The following AUH variants were observed in gnomAD, a reference collection of about 807,000 sequenced individuals.
AUH encodes the protein methylglutaconyl-CoA hydratase, mitochondrial.
In AUH, 29 loss-of-function variants were observed where a neutral mutation model predicts 42.3. The observed-to-expected ratio is 0.69, with a 90% CI of 0.51 to 0.93. The LOEUF is 0.93. AUH is among the 40% of genes least tolerant of loss of function. The pLI is 0.00. For synonymous variants in AUH, 174 were observed against 166.4 expected, an observed-to-expected ratio of 1.05 and a Z score of -0.35; for missense variants, 452 against 438.1, an observed-to-expected ratio of 1.03 and a Z score of -0.28.
chr9:91,283,573 A>T lies in AUH; in HGVS notation c.655+12448T>A, dbSNP rs1199073166. 3.3e-5 allele frequency among the ~76,000 whole-genome samples: 5 copies of T among 152,358 alleles called. No homozygotes were observed. The South Asian group carries it at 1.0e-3, about 32-fold the overall frequency. On this transcript the variant is annotated intron_variant, in intron 6 of 9. Coordinates refer to ENST00000375731, the MANE Select transcript of AUH (RefSeq NM_001698.3). Reference sequence around the variant, plus strand: ...CATATTTAGAAAACCCCATTGTCTCAGCCCAAAATCTCCTTAAGCTGATAA... The same window carrying T: ...CATATTTAGAAAACCCCATTGTCTCTGCCCAAAATCTCCTTAAGCTGATAA...
intron 3 of AUH, among the ~76,000 whole-genome samples, chr9:91,355,481 G>A (rs753417672): frequency 1.1e-4 from 16 of 151,970 alleles, no homozygotes; most frequent in African/African-American, 2.2e-4. Context: ...CACTTGAACT[G>A]GGGAGACGAG....
chr9:91,296,778 A>G (rs527629978), intron 5 of AUH, among the ~76,000 whole-genome samples: 2 of 152,346 alleles, frequency 1.3e-5, no homozygotes, highest in East Asian at 3.9e-4. Flanking sequence ...TGAAGTGAAA[A>G]GGAGGAAAAA....
At position 91,232,584 on chromosome 9, in the gene AUH, C is replaced by T. The variant is rs977154559; in HGVS notation, c.656-11592G>A. ...AAGGTACTATGTGAAGTTTCGTGTACCTACATGACGCTATGTCCAGATCAG... is the reference window on the plus strand; with the variant it reads ...AAGGTACTATGTGAAGTTTCGTGTATCTACATGACGCTATGTCCAGATCAG... On this transcript the variant is annotated intron_variant, in intron 6 of 9. Coordinates refer to ENST00000375731, the MANE Select transcript of AUH (RefSeq NM_001698.3). 7.9e-5 allele frequency among the ~76,000 whole-genome samples: 12 copies of T among 152,300 alleles called. No homozygotes were observed. The South Asian group carries it at 1.4e-3, about 18-fold the overall frequency.
At chr9:91,232,672 A>G (rs1587653935) in intron 6 of AUH, among the ~76,000 whole-genome samples, 2 of 152,234 alleles carry the variant, frequency 1.3e-5, no homozygotes, top group East Asian at 3.9e-4. Context: ...CGCCTTGGCC[A>G]CTGCCCTTCC....
At chr9:91,293,417 A>C (rs1213297989) in intron 6 of AUH, among the ~76,000 whole-genome samples, 4 of 152,276 alleles carry the variant, frequency 2.6e-5, no homozygotes, top group Non-Finnish European at 5.9e-5. Context: ...GAATAAGAAG[A>C]AAGCAGAATA....
intron 4 of AUH, among the ~76,000 whole-genome samples, chr9:91,321,332 A>AT (rs1054769885): frequency 4.0e-5 from 6 of 151,726 alleles, no homozygotes; most frequent in Non-Finnish European, 5.9e-5. Flanking sequence ...AGTTTATGCT[A>AT]TTTTTTCTCT....
intron 8 of AUH, among the ~76,000 whole-genome samples, chr9:91,216,645 G>A (rs1028388404): frequency 3.9e-5 from 6 of 152,182 alleles, no homozygotes; most frequent in Middle Eastern, 3.4e-3. Context: ...AGGAAGATGC[G>A]GAGGTTCCTT....
intron 6 of AUH, among the ~76,000 whole-genome samples, chr9:91,289,873 T>A (rs1358144688): frequency 6.6e-6 from 1 of 152,196 alleles, no homozygotes; most frequent in African/African-American, 2.4e-5. Flanking sequence ...ATAAAATCTC[T>A]GCTGTTTCAA....
At chr9:91,221,034 T>C in intron 6 of AUH, 42 bp from the exon 7 acceptor site, 1 of 1,601,828 alleles carries the variant, frequency 6.2e-7, no homozygotes, top group Admixed American at 1.7e-5. Context: ...ATTTGACACC[T>C]GTTAGTTTTA....
intron 6 of AUH, among the ~76,000 whole-genome samples, chr9:91,279,267 A>C (rs922747016): frequency 2.6e-5 from 4 of 152,200 alleles, no homozygotes; most frequent in African/African-American, 7.2e-5. Context: ...TTCTCACAAC[A>C]ACCTATGATA....
At chr9:91,255,455 T>C (rs773986585) in intron 6 of AUH, among the ~76,000 whole-genome samples, 1 of 152,228 alleles carries the variant, frequency 6.6e-6, no homozygotes, top group African/African-American at 2.4e-5. Flanking sequence ...AAGTGTGTAA[T>C]GTGAGTGATG....
intron 3 of AUH, among the ~76,000 whole-genome samples, chr9:91,344,059 T>C (rs1223577549): frequency 6.6e-6 from 1 of 152,124 alleles, no homozygotes; most frequent in Non-Finnish European, 1.5e-5. Context: ...TCTCCTCCCG[T>C]TGGAATTCAG....
intron 3 of AUH, among the ~76,000 whole-genome samples, chr9:91,351,220 C>G (rs868562293): frequency 6.6e-6 from 1 of 152,160 alleles, no homozygotes; most frequent in Non-Finnish European, 1.5e-5. Context: ...AACTGCCTAC[C>G]TCGGCCTCCC....
At chr9:91,319,887 G>A (rs576174397) in intron 4 of AUH, among the ~76,000 whole-genome samples, 5 of 152,184 alleles carry the variant, frequency 3.3e-5, no homozygotes, top group Non-Finnish European at 4.4e-5. Flanking sequence ...CTTGATCCTT[G>A]TGCAAGTTCC....
chr9:91,241,369 C>A (rs186067650), intron 6 of AUH, among the ~76,000 whole-genome samples: 1 of 152,010 alleles, frequency 6.6e-6, no homozygotes, highest in African/African-American at 2.4e-5. Context: ...ATTCTAATCC[C>A]TAGTTATTTA....
chr9:91,232,662 C>T lies in AUH; in HGVS notation c.656-11670G>A, dbSNP rs145928637. Among the ~76,000 whole-genome samples the T allele has an allele frequency of 1.5e-4, 23 of 152,302 alleles. No individual in the cohort carries two copies. The East Asian group carries it at 4.1e-3, about 27-fold the overall frequency. On this transcript the variant is annotated intron_variant, in intron 6 of 9. Transcript: ENST00000375731. ...ATTACTATGCTATGAAGAAAGAAAG[C>T]GCCTTGGCCACTGCCCTTCCCTTTC...
intron 3 of AUH, among the ~76,000 whole-genome samples, chr9:91,334,431 G>A (rs10991890): frequency 6.4e-4 from 61 of 95,566 alleles, no homozygotes; most frequent in African/African-American, 2.3e-3. Context: ...TCTATTTTCC[G>A]CCCCACTGCT....
rs139039897 is a variant in AUH, at chr9:91,250,189, G to A, written c.656-29197C>T. Among the ~76,000 whole-genome samples, 265 of 152,212 alleles carry A rather than the reference G, an allele frequency of 1.7e-3. 1 individual carries two copies. Among genetic ancestry groups the A allele is most frequent in the African/African-American group, 5.9e-3 (247 of 41,548 alleles). On this transcript the variant is annotated intron_variant, in intron 6 of 9. Coordinates refer to ENST00000375731, the MANE Select transcript of AUH (RefSeq NM_001698.3). ...CCTGGAGTCCCGGAGGTCTGAGACC[G>A]CACCTGCTGCCCAGCACATGGCAGC...
chr9:91,307,047 T>C (rs1416768926), intron 4 of AUH, among the ~76,000 whole-genome samples: 1 of 152,186 alleles, frequency 6.6e-6, no homozygotes, highest in African/African-American at 2.4e-5. Flanking sequence ...ATTATAGTGA[T>C]ACAAGTTCAG....
Sources: gnomAD v4.1 joint callset for allele counts (sites outside exome capture counted in the v4.1 genomes callset) on GRCh38, gnomAD v4.1.1 for gene constraint, MANE v1.5 for transcripts, NCBI Gene and HGNC (gene_info 2026-07-23, HGNC 2026-07-21) for gene names.